Variants in OPRL1 observed in about 807,000 individuals in gnomAD.
OPRL1 encodes the protein nociceptin receptor.
OPRL1 carries 5 observed loss-of-function variants against 15.5 expected under a neutral mutation model. The ratio of observed to expected loss-of-function variants is 0.32; its 90% CI spans 0.17 to 0.68. The LOEUF (loss-of-function observed/expected upper bound fraction) is 0.68, where lower values mean the gene tolerates loss of function less well. Among genes scored for constraint, OPRL1 ranks in the 30% least tolerant of loss-of-function variants. OPRL1 has a pLI of 0.72. For missense variants in OPRL1, 406 were observed against 515.3 expected (o/e 0.79, Z 2.05); for synonymous variants, 223 against 230.2 (o/e 0.97, Z 0.28).
Position 64,083,797 on chromosome 20 carries a change from C to T in OPRL1, c.-185+3445C>T. On this transcript the variant is annotated intron_variant, in intron 1 of 4. Coordinates refer to ENST00000336866, the MANE Select transcript of OPRL1 (RefSeq NM_182647.4). This position sits in a 1 kb window ranked among gnomAD's most constrained non-coding sequence, Gnocchi z 4.9. The stretch of plus-strand genomic sequence containing the variant: ...AACGCTCCCGGTGCGCCCCCTCTGC[C>T]CTCCGACCCCCTCGCCTCACCCGCA... The T allele has an allele frequency of 1.5e-6, 2 of 1,341,342 alleles. No individual in the cohort carries two copies. The highest frequency in any genetic ancestry group is 1.9e-6 in the Non-Finnish European group (2 of 1,052,548). 83.1% of individuals were successfully genotyped at this position (1,341,342 alleles called of 1,614,324 possible).
At chr20:64,096,230 C>T (rs1979095877) in intron 3 of OPRL1, among the ~76,000 whole-genome samples, 1 of 152,150 alleles carries the variant, frequency 6.6e-6, no homozygotes, top group Admixed American at 6.5e-5. Context: ...CAGGGAAGGT[C>T]CTCTGCTGGC....
chr20:64,088,727 T>C lies in OPRL1; in HGVS notation c.-184-3239T>C, dbSNP rs62218108. 6.5e-4 allele frequency among the ~76,000 whole-genome samples: 11 copies of C among 17,036 alleles called. 1 individual carries two copies. Among genetic ancestry groups the C allele is most frequent in the East Asian group, 1.9e-3 (1 of 526 alleles). The allele number at this position is 17,036 out of a possible 152,430, so 11.2% of individuals were successfully genotyped here. On this transcript the variant is annotated intron_variant, in intron 1 of 4. Transcript: ENST00000336866. ...GGGTCTGTGCAGAGTGGCCAGGATC[T>C]GTGCAAGGGGTAGGATCTGTGCAGA...
intron 1 of OPRL1, among the ~76,000 whole-genome samples, chr20:64,088,769 CAGGGAGGGT>C (rs2060087570): frequency 8.0e-6 from 1 of 125,206 alleles, no homozygotes; most frequent in Non-Finnish European, 1.7e-5. Flanking sequence ...AGGATCTGTG[CAGGGAGGGT>C]AGGATCTGTG....
At chr20:64,082,015 A>C (rs2059973001) in intron 1 of OPRL1, among the ~76,000 whole-genome samples, 1 of 152,152 alleles carries the variant, frequency 6.6e-6, no homozygotes, top group Non-Finnish European at 1.5e-5. Context: ...GTCTCAGAGA[A>C]ATGGTGAAAT....
chr20:64,089,099 A>G lies in OPRL1; in HGVS notation c.-184-2867A>G, dbSNP rs1435205689. On this transcript the variant is annotated intron_variant, in intron 1 of 4. Transcript: ENST00000336866. The surrounding 1 kb of genome is among the most constrained non-coding windows in gnomAD (Gnocchi z 5.5). ...GGGGCAGGTTCTGCGCAGGGGGCCT[A>G]GGCTGTTCAGCATGCCAGGGTCTGT... is the stretch of plus-strand genomic sequence containing the variant. Among the ~76,000 whole-genome samples, 1 of 150,656 alleles carries G rather than the reference A, an allele frequency of 6.6e-6. No homozygotes were observed. The highest frequency in any genetic ancestry group is 1.5e-5 in the Non-Finnish European group (1 of 67,630).
rs1037801860 is a variant in OPRL1 at position 64,099,625 on chromosome 20, C to G, written c.*826C>G. On this transcript the variant is annotated 3_prime_UTR_variant, in exon 5 of 5. Coordinates refer to ENST00000336866, the MANE Select transcript of OPRL1 (RefSeq NM_182647.4). ...GACCAGCGAGAGGCCCTGGCCCATTCCCTCCAGCGGTGCAATGAACTATCA... is the reference window on the plus strand; with the variant it reads ...GACCAGCGAGAGGCCCTGGCCCATTGCCTCCAGCGGTGCAATGAACTATCA... 1 of 152,720 alleles carries G rather than the reference C, an allele frequency of 6.5e-6. No individual in the cohort carries two copies. Among genetic ancestry groups the G allele is most frequent in the African/African-American group, 2.4e-5 (1 of 41,470 alleles). 9.5% of individuals were successfully genotyped at this position (152,720 alleles called of 1,614,324 possible). A position where few individuals can be genotyped will look rare whatever the true frequency, so the allele number is the denominator to read the frequency against.
intron 1 of OPRL1, among the ~76,000 whole-genome samples, chr20:64,088,714 AGT>A (rs2060084061): frequency 5.5e-5 from 1 of 18,156 alleles, no homozygotes; most frequent in African/African-American, 1.9e-4. Flanking sequence ...GTCTGTGCAG[AGT>A]GGCCAGGATC....
In OPRL1 at chr20:64,098,613, C is replaced by T. The variant is rs142906638; in HGVS notation, c.927C>T (p.Tyr309=). 1.5e-5 allele frequency: 24 copies of T among 1,612,890 alleles called. No homozygotes were observed. Among genetic ancestry groups the T allele is most frequent in the Middle Eastern group, 1.6e-4 (1 of 6,062 alleles). Reference sequence around the variant, plus strand: ...TGCGCTTCTGCACGGCCCTGGGCTACGTCAACAGCTGCCTCAACCCCATCC... The same window carrying T: ...TGCGCTTCTGCACGGCCCTGGGCTATGTCAACAGCTGCCTCAACCCCATCC... ...AILRFCTALG[Y]VNSCLNPILY... Residue 309 remains tyrosine, a synonymous_variant, in exon 5 of 5, where the codon TAC becomes TAT. Coordinates refer to ENST00000336866, the MANE Select transcript of OPRL1 (RefSeq NM_182647.4).
At chr20:64,092,587 T>C in intron 2 of OPRL1, 101 bp from the exon 3 acceptor site, 1 of 820,052 alleles carries the variant, frequency 1.2e-6, no homozygotes, top group Admixed American at 2.6e-5. Flanking sequence ...CTGCCCAGCG[T>C]GGGGGTCCAT....
intron 1 of OPRL1, chr20:64,084,443 A>G: frequency 4.3e-6 from 5 of 1,162,798 alleles, no homozygotes; most frequent in Non-Finnish European, 5.4e-6. Context: ...GATCCTGCTC[A>G]GTCCTGCAGT....
Position 64,090,561 on chromosome 20 carries a change from A to G in OPRL1, c.-184-1405A>G, listed in dbSNP as rs2060109605. Among the ~76,000 whole-genome samples, 1 of 152,182 alleles carries G rather than the reference A, an allele frequency of 6.6e-6. No individual in the cohort carries two copies. The highest frequency in any genetic ancestry group is 2.4e-5 in the African/African-American group (1 of 41,444). The stretch of plus-strand genomic sequence containing the variant: ...AAGCTCGTGCAGGAAGTACAACCCC[A>G]TGACCGGGAGGGAGCTGGTGATTCA... On this transcript the variant is annotated intron_variant, in intron 1 of 4. Coordinates refer to ENST00000336866, the MANE Select transcript of OPRL1 (RefSeq NM_182647.4). The surrounding 1 kb of genome is among the most constrained non-coding windows in gnomAD (Gnocchi z 4.9).
At position 64,099,123 on chromosome 20, in the gene OPRL1, G is replaced by A. The variant is rs771741439; in HGVS notation, c.*324G>A. On this transcript the variant is annotated 3_prime_UTR_variant, in exon 5 of 5. Transcript: ENST00000336866. ...GTGGACGGCCGTGACTGGAGCCCGT[G>A]CCCCTCCCTCCCCGTGCTTCATGTG... 2.6e-5 allele frequency: 10 copies of A among 388,136 alleles called. No homozygotes were observed. The highest frequency in any genetic ancestry group is 4.6e-5 in the Non-Finnish European group (10 of 216,590). 24.0% of individuals were successfully genotyped at this position (388,136 alleles called of 1,614,324 possible).
intron 1 of OPRL1, among the ~76,000 whole-genome samples, chr20:64,088,240 C>G (rs2060070625): frequency 6.6e-6 from 1 of 152,164 alleles, no homozygotes; most frequent in South Asian, 2.1e-4. Context: ...TGGGGTGGGG[C>G]AGGATCCATG....
In OPRL1 at chr20:64,088,775, G is replaced by A. The variant is rs980482547; in HGVS notation, c.-184-3191G>A. On this transcript the variant is annotated intron_variant, in intron 1 of 4. Coordinates refer to ENST00000336866, the MANE Select transcript of OPRL1 (RefSeq NM_182647.4). ...AGAGTGGCCAGGATCTGTGCAGGGA[G>A]GGTAGGATCTGTGCAGAGTGGCCAG... 3.5e-4 allele frequency among the ~76,000 whole-genome samples: 44 copies of A among 126,196 alleles called. 2 individuals carry two copies. Among genetic ancestry groups the A allele is most frequent in the South Asian group, 7.9e-4 (3 of 3,796 alleles). The allele number at this position is 126,196 out of a possible 152,430, so 82.8% of individuals were successfully genotyped here.
rs777074407 is a variant in OPRL1, at chr20:64,092,901, G to A, written c.181G>A (p.Val61Met). The A allele has an allele frequency of 2.2e-5, 36 of 1,612,716 alleles. No homozygotes were observed. Among genetic ancestry groups the A allele is most frequent in the Admixed American group, 5.0e-5 (3 of 60,026 alleles). ...KVTIVGLYLA[V>M]CVGGLLGNCL... ...CACCATCGTGGGGCTCTACCTGGCC[G>A]TGTGTGTCGGAGGGCTCCTGGGGAA... The change falls in exon 3 of 5, where the codon GTG (valine) becomes ATG (methionine). Residue 61 changes from valine to methionine, a missense_variant. Physicochemically the swap from Val to Met is conservative, Grantham distance 21. Transcript: ENST00000336866.
chr20:64,088,754 T>A lies in OPRL1; in HGVS notation c.-184-3212T>A, dbSNP rs1414950936. On this transcript the variant is annotated intron_variant, in intron 1 of 4. Coordinates refer to ENST00000336866, the MANE Select transcript of OPRL1 (RefSeq NM_182647.4). ...TGCAAGGGGTAGGATCTGTGCAGAG[T>A]GGCCAGGATCTGTGCAGGGAGGGTA... Among the ~76,000 whole-genome samples, 32 of 55,080 alleles carry A rather than the reference T, an allele frequency of 5.8e-4. 5 individuals carry two copies. The highest frequency in any genetic ancestry group is 1.2e-3 in the Admixed American group (5 of 4,308). 36.1% of individuals were successfully genotyped at this position (55,080 alleles called of 152,430 possible). A position where few individuals can be genotyped will look rare whatever the true frequency, so the allele number is the denominator to read the frequency against.
At position 64,098,745 on chromosome 20, in the gene OPRL1, C is replaced by T. The variant is rs751761881; in HGVS notation, c.1059C>T (p.Ala353=). ...TGTCTGACCGCGTGCGCAGCATTGC[C>T]AAGGACGTGGCCCTGGCCTGCAAGA... ...VQVSDRVRSI[A]KDVALACKTS... The change falls in exon 5 of 5, where the codon GCC becomes GCT. Residue 353 remains alanine (A), a synonymous_variant. Coordinates refer to ENST00000336866, the MANE Select transcript of OPRL1 (RefSeq NM_182647.4). The T allele has an allele frequency of 1.4e-5, 23 of 1,609,766 alleles. No individual in the cohort carries two copies. Among genetic ancestry groups the T allele is most frequent in the Non-Finnish European group, 1.9e-5 (23 of 1,179,912 alleles).
In OPRL1 at chr20:64,083,371, G is replaced by C; in HGVS notation, c.-185+3019G>C. 1 of 1,607,874 alleles carries C rather than the reference G, an allele frequency of 6.2e-7. No individual in the cohort carries two copies. The highest frequency in any genetic ancestry group is 1.1e-5 in the South Asian group (1 of 90,706). On this transcript the variant is annotated intron_variant, in intron 1 of 4. Coordinates refer to ENST00000336866, the MANE Select transcript of OPRL1 (RefSeq NM_182647.4). The surrounding 1 kb of genome is among the most constrained non-coding windows in gnomAD (Gnocchi z 4.9). Reference sequence around the variant, plus strand: ...GGGGAGTGGCAGCAAAAAGACCAGCGAGCCTTCGGAGAATTATAACTTTAT... The same window carrying C: ...GGGGAGTGGCAGCAAAAAGACCAGCCAGCCTTCGGAGAATTATAACTTTAT...
At position 64,083,749 on chromosome 20, in the gene OPRL1, C is replaced by CCCCGCCCCGG; in HGVS notation, c.-185+3400_-185+3409dup. On this transcript the variant is annotated intron_variant, in intron 1 of 4. Transcript: ENST00000336866. This position sits in a 1 kb window ranked among gnomAD's most constrained non-coding sequence, Gnocchi z 4.9. ...TGAGCGCGCGCCGAGCCCCGCCCCGCCCCGCCCCGGCCGGCTCCGCTCAAC... is the reference window on the plus strand; with the variant it reads ...TGAGCGCGCGCCGAGCCCCGCCCCGCCCCGCCCCGGCCCGCCCCGGCCGGCTCCGCTCAAC... 7.5e-7 allele frequency: 1 copy of CCCCGCCCCGG among 1,337,876 alleles called. No individual in the cohort carries two copies. Among genetic ancestry groups the CCCCGCCCCGG allele is most frequent in the Non-Finnish European group, 9.5e-7 (1 of 1,050,550 alleles). The allele number at this position is 1,337,876 out of a possible 1,614,324, so 82.9% of individuals were successfully genotyped here.
Sources: gnomAD v4.1 joint callset for allele counts (sites outside exome capture counted in the v4.1 genomes callset) on GRCh38, gnomAD v4.1.1 for gene constraint, Gnocchi (gnomAD v3.1) non-coding constraint, MANE v1.5 for transcripts, NCBI Gene and HGNC (gene_info 2026-07-23, HGNC 2026-07-21) for gene names.